Variants in CCNG2 observed in about 807,000 individuals in gnomAD.
CCNG2 encodes the protein cyclin G2.
CCNG2 carries 20 observed loss-of-function variants against 36.5 expected under a neutral mutation model. That is an observed-to-expected ratio of 0.55 (90% CI 0.39 to 0.80). CCNG2 has a LOEUF of 0.80. CCNG2 is among the 30% of genes least tolerant of loss of function. The pLI is 0.00. For synonymous variants in CCNG2, 155 were observed against 140.1 expected (o/e 1.11, Z -0.75); for missense variants, 358 against 390.8 (o/e 0.92, Z 0.71).
chr4:77,163,773 T>C (rs1029220278), intron 6 of CCNG2, among the ~76,000 whole-genome samples: 2 of 152,230 alleles, frequency 1.3e-5, no homozygotes, highest in Non-Finnish European at 1.5e-5. Context: ...TTCTCTCATA[T>C]CACTAACTTC....
intron 6 of CCNG2, among the ~76,000 whole-genome samples, chr4:77,163,321 G>C (rs1051735358): frequency 6.6e-6 from 1 of 152,084 alleles, no homozygotes; most frequent in Non-Finnish European, 1.5e-5. Flanking sequence ...TAAGGAGGTG[G>C]TCAGGAGTAT....
In CCNG2 at chr4:77,161,702, T is replaced by C; in HGVS notation, c.660T>C (p.Ser220=). 1 of 1,610,672 alleles carries C rather than the reference T, an allele frequency of 6.2e-7. No homozygotes were observed. Among genetic ancestry groups the C allele is most frequent in the Non-Finnish European group, 8.5e-7 (1 of 1,178,654 alleles). ...ATTTGGAAGTGGAAACTTTGAAATC[T>C]GTTGAATTACTGGAAATTCTCTTGC... ...LLNLEVETLK[S]VELLEILLLV... Residue 220 remains serine, a synonymous_variant, in exon 6 of 8, where the codon TCT becomes TCC. Transcript: ENST00000316355.
chr4:77,160,718 C>T lies in CCNG2; in HGVS notation c.277-3C>T, dbSNP rs1334067428. The T allele has an allele frequency of 1.2e-6, 2 of 1,602,050 alleles. No individual in the cohort carries two copies. Among genetic ancestry groups the T allele is most frequent in the Non-Finnish European group, 1.7e-6 (2 of 1,175,984 alleles). On this transcript the variant is annotated splice_region_variant and splice_polypyrimidine_tract_variant and intron_variant, in intron 3 of 7. Coordinates refer to ENST00000316355, the MANE Select transcript of CCNG2 (RefSeq NM_004354.3). ...TAAAAGAAGCCTCTTGTTTTTTTCT[C>T]AGGTGAAACCTAAACATTTGTCTTG...
chr4:77,160,751 G>A lies in CCNG2; in HGVS notation c.307G>A (p.Val103Ile). 1.2e-6 allele frequency: 2 copies of A among 1,613,912 alleles called. No homozygotes were observed. Among genetic ancestry groups the A allele is most frequent in the Non-Finnish European group, 1.7e-6 (2 of 1,179,952 alleles). ...VKPKHLSCIG[V>I]CSFLLAARIV... is the part of the protein sequence containing the mutation. ...ACCTAAACATTTGTCTTGCATTGGA[G>A]TCTGTTCTTTTTTGCTGGCTGCTAG... Residue 103 changes from valine to isoleucine, a missense_variant, in exon 4 of 8, where the codon GTC becomes ATC. Coordinates refer to ENST00000316355, the MANE Select transcript of CCNG2 (RefSeq NM_004354.3).
At position 77,160,792 on chromosome 4, in the gene CCNG2, C is replaced by T. The variant is rs1224672463; in HGVS notation, c.348C>T (p.Asp116=). The part of the protein sequence containing the change: ...FLLAARIVEE[D]CNIPSTHDVI... ...TGGCTGCTAGAATAGTTGAAGAAGA[C>T]TGCAATATTCCATCCACTCATGATG... is the stretch of plus-strand genomic sequence containing the variant. Residue 116 remains aspartate (D), a synonymous_variant, in exon 4 of 8, where the codon GAC becomes GAT. Coordinates refer to ENST00000316355, the MANE Select transcript of CCNG2 (RefSeq NM_004354.3). 1 of 1,613,768 alleles carries T rather than the reference C, an allele frequency of 6.2e-7. No homozygotes were observed. Among genetic ancestry groups the T allele is most frequent in the Non-Finnish European group, 8.5e-7 (1 of 1,179,756 alleles).
rs563169813 is a variant in CCNG2, at chr4:77,167,411, C to T, written c.*1487C>T. 1.3e-5 allele frequency: 2 copies of T among 152,232 alleles called. No homozygotes were observed. The highest frequency in any genetic ancestry group is 4.8e-5 in the African/African-American group (2 of 41,530). 9.4% of individuals were successfully genotyped at this position (152,232 alleles called of 1,614,324 possible). A position where few individuals can be genotyped will look rare whatever the true frequency, so the allele number is the denominator to read the frequency against. ...ACAATTGACCTCTTTGTGGGATGGA[C>T]TCATTAAGTATGCTCTCAGAGACTG... On this transcript the variant is annotated 3_prime_UTR_variant, in exon 8 of 8. Transcript: ENST00000316355.
At chr4:77,161,589 TCA>T (rs764741930) in intron 5 of CCNG2, 31 bp downstream of exon 5, 3 of 1,578,430 alleles carry the variant, frequency 1.9e-6, no homozygotes, top group South Asian at 1.2e-5. Flanking sequence ...TGTATATATC[TCA>T]CAGTTTGTAT....
chr4:77,163,734 G>C (rs1019122080), intron 6 of CCNG2, among the ~76,000 whole-genome samples: 1 of 152,182 alleles, frequency 6.6e-6, no homozygotes, highest in Non-Finnish European at 1.5e-5. Context: ...CAGTGGTGGC[G>C]GAACTATGTC....
At position 77,168,649 on chromosome 4, in the gene CCNG2, G is replaced by A. The variant is rs1404272878; in HGVS notation, c.*2725G>A. ...TAGCAGCATGGAGACCAGTCTGACT[G>A]AACTAAGGCAGTGGAAGTGTGGATG... is the stretch of plus-strand genomic sequence containing the variant. On this transcript the variant is annotated 3_prime_UTR_variant, in exon 8 of 8. Transcript: ENST00000316355. 1 of 152,162 alleles carries A rather than the reference G, an allele frequency of 6.6e-6. No individual in the cohort carries two copies. Among genetic ancestry groups the A allele is most frequent in the East Asian group, 1.9e-4 (1 of 5,196 alleles). 9.4% of individuals were successfully genotyped at this position (152,162 alleles called of 1,614,324 possible).
rs541522203 is a variant in CCNG2, at chr4:77,165,846, C to T, written c.957C>T (p.Ser319=). ...TGAGTTGTGGAGAGGAGAGTCTCAG[C>T]AGCTCTCCTCCCAGTGATCAAGAGT... is the stretch of plus-strand genomic sequence containing the variant. ...EDMSCGEESL[S]SSPPSDQECT... Residue 319 remains serine (S), a synonymous_variant, in exon 8 of 8, where the codon AGC becomes AGT. Coordinates refer to ENST00000316355, the MANE Select transcript of CCNG2 (RefSeq NM_004354.3). The T allele has an allele frequency of 1.1e-4, 171 of 1,608,598 alleles. 4 individuals are homozygous for T. In the South Asian group the frequency reaches 1.8e-3, roughly 17 times the overall value.
chr4:77,158,133 T>C (rs1206089371), intron 1 of CCNG2, among the ~76,000 whole-genome samples: 1 of 152,032 alleles, frequency 6.6e-6, no homozygotes, highest in Admixed American at 6.5e-5. Context: ...TCCCCCCTAT[T>C]GTGCAACACC....
At position 77,164,374 on chromosome 4, in the gene CCNG2, T is replaced by C. The variant is rs757023230; in HGVS notation, c.806T>C (p.Val269Ala). The C allele has an allele frequency of 3.1e-6, 5 of 1,614,102 alleles. No homozygotes were observed. The highest frequency in any genetic ancestry group is 4.2e-6 in the Non-Finnish European group (5 of 1,180,000). The change falls in exon 7 of 8, where the codon GTT becomes GCT. Residue 269 changes from valine (V) to alanine (A), a missense_variant. Transcript: ENST00000316355. ...TGCAAACCAGATCTTAAGAAGTTGG[T>C]TTGGATCGTTTCAAGGCGCACAGCC... ...ECCKPDLKKL[V>A]WIVSRRTAQN... is the part of the protein sequence containing the mutation.
chr4:77,162,932 G>A (rs1053259536), intron 6 of CCNG2, among the ~76,000 whole-genome samples: 1 of 152,006 alleles, frequency 6.6e-6, no homozygotes, highest in Non-Finnish European at 1.5e-5. Flanking sequence ...GCCAAGCATG[G>A]AAATGAGGCA....
intron 3 of CCNG2, 151 bp downstream of exon 3, chr4:77,159,655 G>T: frequency 1.4e-6 from 1 of 728,698 alleles, no homozygotes; most frequent in Non-Finnish European, 2.1e-6. Flanking sequence ...GCCAGAATAA[G>T]ACTACAAGAT....
chr4:77,165,235 C>T (rs1031972222), intron 7 of CCNG2, among the ~76,000 whole-genome samples: 1 of 152,122 alleles, frequency 6.6e-6, no homozygotes, highest in Non-Finnish European at 1.5e-5. Flanking sequence ...TATAATAAAT[C>T]ACTGATGCAA....
chr4:77,164,174 C>A, intron 6 of CCNG2, 100 bp from the exon 7 acceptor site: 1 of 765,188 alleles, frequency 1.3e-6, no homozygotes, highest in Admixed American at 2.5e-5. Context: ...GGGAGCCAGG[C>A]ATCTATATAT....
rs563982543 is a variant in CCNG2 at position 77,159,547 on chromosome 4, C to T, written c.276+43C>T. 2.0e-4 allele frequency: 310 copies of T among 1,589,692 alleles called. 3 individuals carry two copies. The highest frequency in any genetic ancestry group is 1.4e-3 in the Middle Eastern group (8 of 5,906). On this transcript the variant is annotated intron_variant, in intron 3 of 7. Transcript: ENST00000316355. ...TAAATATGTCTTCCTTTTTCTATGCCCAGTGCCTAGCACACAGGGTTCAAG... is the reference window on the plus strand; with the variant it reads ...TAAATATGTCTTCCTTTTTCTATGCTCAGTGCCTAGCACACAGGGTTCAAG...
chr4:77,159,343 C>T (rs1204394226), intron 2 of CCNG2, 24 bp from the exon 3 acceptor site: 2 of 1,588,986 alleles, frequency 1.3e-6, no homozygotes, highest in Non-Finnish European at 1.7e-6. Context: ...AATTGTAAAC[C>T]TTGGTTCTTG....
chr4:77,161,361 CA>C (rs1731431179), intron 4 of CCNG2, 118 bp from the exon 5 acceptor site: 3 of 727,934 alleles, frequency 4.1e-6, no homozygotes, highest in East Asian at 5.6e-5. Flanking sequence ...TTCTGCCTTC[CA>C]AAGTGGTGGG....
Sources: gnomAD v4.1 joint callset for allele counts (sites outside exome capture counted in the v4.1 genomes callset) on GRCh38, gnomAD v4.1.1 for gene constraint, MANE v1.5 for transcripts, NCBI Gene and HGNC (gene_info 2026-07-23, HGNC 2026-07-21) for gene names.